Variants in PLCXD3 observed in about 807,000 individuals in gnomAD.
PLCXD3 encodes PI-PLC X domain-containing protein 3.
In PLCXD3, 19 loss-of-function variants were observed where a neutral mutation model predicts 25.5. The ratio of observed to expected loss-of-function variants is 0.75; its 90% CI spans 0.52 to 1.09. The LOEUF (loss-of-function observed/expected upper bound fraction) is 1.09. PLCXD3 is among the 50% of genes least tolerant of loss of function. The pLI, the probability that PLCXD3 is intolerant of heterozygous loss-of-function variation, is 0.00. For synonymous variants in PLCXD3, 174 were observed against 137.6 expected (o/e 1.26, Z -1.85); for missense variants, 411 against 388.1 (o/e 1.06, Z -0.50).
rs1188751736 is a variant in PLCXD3 at position 41,312,565 on chromosome 5, C to G, written c.*1052G>C. ...TTCCTCTCTTCCTCCCTCCCTCCCT[C>G]TCTTCCTCCCTCCCTCCCTCTCTTC... On this transcript the variant is annotated 3_prime_UTR_variant, in exon 3 of 3. Transcript: ENST00000377801. 6.6e-6 allele frequency: 1 copy of G among 150,598 alleles called. No individual in the cohort carries two copies. The highest frequency in any genetic ancestry group is 1.5e-5 in the Non-Finnish European group (1 of 67,638). 9.3% of individuals were successfully genotyped at this position (150,598 alleles called of 1,614,324 possible). A position where few individuals can be genotyped will look rare whatever the true frequency, so the allele number is the denominator to read the frequency against.
At chr5:41,370,086 C>T (rs964935744) in intron 2 of PLCXD3, among the ~76,000 whole-genome samples, 5 of 151,936 alleles carry the variant, frequency 3.3e-5, no homozygotes, top group Non-Finnish European at 7.4e-5. Context: ...GCTGAGGCTA[C>T]AGGGAAATAA....
chr5:41,470,091 A>G (rs1748116418), intron 1 of PLCXD3, among the ~76,000 whole-genome samples: 1 of 152,224 alleles, frequency 6.6e-6, no homozygotes, highest in African/African-American at 2.4e-5. Context: ...CATTATATAA[A>G]AACACACAGT....
intron 1 of PLCXD3, among the ~76,000 whole-genome samples, chr5:41,387,180 C>T (rs1317700740): frequency 6.6e-6 from 1 of 152,046 alleles, no homozygotes; most frequent in East Asian, 1.9e-4. Flanking sequence ...GACTAAGTAG[C>T]CTCTAGGAGC....
At chr5:41,414,228 TTA>T (rs1746637812) in intron 1 of PLCXD3, among the ~76,000 whole-genome samples, 1 of 149,292 alleles carries the variant, frequency 6.7e-6, no homozygotes, top group Admixed American at 6.8e-5. Flanking sequence ...TTTTTTTTTT[TTA>T]ATTATTTATT....
At chr5:41,409,772 T>C (rs1332275937) in intron 1 of PLCXD3, among the ~76,000 whole-genome samples, 1 of 152,230 alleles carries the variant, frequency 6.6e-6, no homozygotes, top group South Asian at 2.1e-4. Flanking sequence ...AAATAATATA[T>C]TTTCATTTCA....
At chr5:41,461,322 C>A (rs1281341862) in intron 1 of PLCXD3, among the ~76,000 whole-genome samples, 1 of 151,796 alleles carries the variant, frequency 6.6e-6, no homozygotes, top group Non-Finnish European at 1.5e-5. Context: ...TTCTTTCTTT[C>A]TTTTTTTGGT....
chr5:41,416,498 G>A (rs138819752), intron 1 of PLCXD3, among the ~76,000 whole-genome samples: 27 of 152,270 alleles, frequency 1.8e-4, no homozygotes, highest in Non-Finnish European at 3.5e-4. Context: ...ATCAGATCCC[G>A]GAACTGTACT....
At chr5:41,475,495 T>G in intron 1 of PLCXD3, 1 of 447,306 alleles carries the variant, frequency 2.2e-6, no homozygotes, top group Non-Finnish European at 4.5e-6. Context: ...TGCAAATCCC[T>G]GTCTTTCCCT....
chr5:41,379,178 C>A (rs148772759), intron 2 of PLCXD3, among the ~76,000 whole-genome samples: 1 of 152,042 alleles, frequency 6.6e-6, no homozygotes, highest in Admixed American at 6.6e-5. Context: ...CAGTTCCCTG[C>A]CAGGCTCCTG....
intron 1 of PLCXD3, among the ~76,000 whole-genome samples, chr5:41,435,891 C>T (rs1333611666): frequency 6.6e-6 from 1 of 152,200 alleles, no homozygotes; most frequent in Non-Finnish European, 1.5e-5. Context: ...GAGATAGAAA[C>T]CTCTGTGGCC....
intron 1 of PLCXD3, among the ~76,000 whole-genome samples, chr5:41,464,370 C>A (rs1394845356): frequency 6.6e-6 from 1 of 152,016 alleles, no homozygotes; most frequent in Admixed American, 6.6e-5. Flanking sequence ...CAAAAATGTA[C>A]TTACATGCAC....
At chr5:41,406,773 T>C (rs2150501740) in intron 1 of PLCXD3, among the ~76,000 whole-genome samples, 1 of 152,290 alleles carries the variant, frequency 6.6e-6, no homozygotes, top group East Asian at 1.9e-4. Flanking sequence ...CCCTCCTCTA[T>C]GGTCATTACC....
intron 1 of PLCXD3, among the ~76,000 whole-genome samples, chr5:41,502,452 T>C (rs1212959684): frequency 6.6e-6 from 1 of 152,090 alleles, no homozygotes; most frequent in Non-Finnish European, 1.5e-5. Flanking sequence ...AATTAACTGT[T>C]AATGTGCTTT....
At chr5:41,388,620 GT>G (rs1056499419) in intron 1 of PLCXD3, among the ~76,000 whole-genome samples, 53 of 151,562 alleles carry the variant, frequency 3.5e-4, no homozygotes, top group African/African-American at 1.1e-3. Context: ...GGTTTTAGAA[GT>G]TTTTTTCTTT....
At chr5:41,392,148 C>T (rs533125793) in intron 1 of PLCXD3, among the ~76,000 whole-genome samples, 29 of 152,214 alleles carry the variant, frequency 1.9e-4, no homozygotes, top group Non-Finnish European at 3.2e-4. Flanking sequence ...AAGGGAAGGA[C>T]ACAAGCCTGG....
intron 1 of PLCXD3, among the ~76,000 whole-genome samples, chr5:41,406,495 C>T (rs1002088100): frequency 1.4e-4 from 22 of 152,042 alleles, no homozygotes; most frequent in African/African-American, 5.3e-4. Context: ...TCTCATCATC[C>T]TTCTATCTCA....
chr5:41,439,280 G>C (rs1430049195), intron 1 of PLCXD3, among the ~76,000 whole-genome samples: 1 of 152,130 alleles, frequency 6.6e-6, no homozygotes, highest in Non-Finnish European at 1.5e-5. Context: ...CCTACTACTT[G>C]CCTATCCAAC....
At chr5:41,466,037 T>A (rs1748011213) in intron 1 of PLCXD3, among the ~76,000 whole-genome samples, 1 of 152,134 alleles carries the variant, frequency 6.6e-6, no homozygotes, top group Non-Finnish European at 1.5e-5. Flanking sequence ...TTTATCATTT[T>A]CCCCTAGATC....
At chr5:41,383,942 C>G (rs540977211) in intron 1 of PLCXD3, among the ~76,000 whole-genome samples, 26 of 152,044 alleles carry the variant, frequency 1.7e-4, no homozygotes, top group Non-Finnish European at 3.4e-4. Context: ...ATCCATGTAT[C>G]TCTCTATCCA....
Sources: gnomAD v4.1 joint callset for allele counts (sites outside exome capture counted in the v4.1 genomes callset) on GRCh38, gnomAD v4.1.1 for gene constraint, MANE v1.5 for transcripts, NCBI Gene and HGNC (gene_info 2026-07-23, HGNC 2026-07-21) for gene names.